The following WDHD1 variants were observed in gnomAD, a reference collection of about 807,000 sequenced individuals.
The protein encoded by WDHD1 is WD repeat and HMG-box DNA-binding protein 1.
WDHD1 carries 111 observed loss-of-function variants against 135.4 expected under a neutral mutation model. The observed-to-expected ratio is 0.82, with a 90% CI of 0.70 to 0.96. The LOEUF is 0.96. Among genes scored for constraint, WDHD1 ranks in the 40% least tolerant of loss-of-function variants. WDHD1 has a pLI of 0.00. For synonymous variants in WDHD1, 434 were observed against 439.0 expected (o/e 0.99, Z 0.14); for missense variants, 1,351 against 1,336.3 (o/e 1.01, Z -0.17).
chr14:54,973,016 G>A (rs1043108210), intron 16 of WDHD1, among the ~76,000 whole-genome samples: 2 of 149,260 alleles, frequency 1.3e-5, no homozygotes, highest in Admixed American at 1.3e-4. Flanking sequence ...TTATTAAAAA[G>A]CATTAATTAA....
At chr14:54,962,188 C>T (rs893567280) in intron 21 of WDHD1, among the ~76,000 whole-genome samples, 6 of 152,046 alleles carry the variant, frequency 3.9e-5, no homozygotes, top group Admixed American at 6.6e-5. Flanking sequence ...TCAGTGATAC[C>T]CAGATCTGTC....
intron 18 of WDHD1, among the ~76,000 whole-genome samples, chr14:54,964,253 T>C (rs140795694): frequency 1.3e-5 from 2 of 152,242 alleles, no homozygotes; most frequent in Non-Finnish European, 2.9e-5. Context: ...GCTTTAGATA[T>C]TCACCTGGAT....
chr14:55,011,524 C>CA (rs60615259), intron 3 of WDHD1, among the ~76,000 whole-genome samples: 928 of 50,964 alleles, frequency 0.018, 189 homozygotes, highest in Non-Finnish European at 0.023. Flanking sequence ...AACTCTGTCT[C>CA]AAAAAAAAAA....
intron 24 of WDHD1, 148 bp downstream of exon 24, chr14:54,955,413 T>C: frequency 1.7e-6 from 1 of 577,068 alleles, no homozygotes; most frequent in South Asian, 7.8e-5. Flanking sequence ...ATTTGTGGCT[T>C]CCTTATAGTC....
Position 54,991,270 on chromosome 14 carries a change from G to A in WDHD1, c.1284C>T (p.Pro428=). 1 of 1,613,162 alleles carries A rather than the reference G, an allele frequency of 6.2e-7. No homozygotes were observed. The highest frequency in any genetic ancestry group is 1.7e-4 in the Middle Eastern group (1 of 6,060). ...RPFYDGPMPT[P]RQKPFQSGST... Reference sequence around the variant, plus strand: ...AACCTGACTGAAATGGCTTTTGCCGGGGAGTTGGCATGGGTCCATCATAAA... The same window carrying A: ...AACCTGACTGAAATGGCTTTTGCCGAGGAGTTGGCATGGGTCCATCATAAA... Residue 428 remains proline (P), a synonymous_variant, in exon 12 of 26, where the codon CCC becomes CCT. Coordinates refer to ENST00000360586, the MANE Select transcript of WDHD1 (RefSeq NM_007086.4).
chr14:54,967,769 T>C (rs1301459008), intron 16 of WDHD1, among the ~76,000 whole-genome samples: 1 of 152,026 alleles, frequency 6.6e-6, no homozygotes, highest in East Asian at 1.9e-4. Context: ...TACAGATATA[T>C]GCCACCATGC....
chr14:55,008,651 G>A lies in WDHD1; in HGVS notation c.410C>T (p.Ala137Val). ...SQQKTFRGHD[A>V]PVLSLSFDPK... ...ATCAAAGGAAAGACTTAAAACAGGG[G>A]CATCATGTCCTCGAAATGTTTTCTG... The change falls in exon 5 of 26, where the codon GCC becomes GTC. Residue 137 changes from alanine to valine, a missense_variant. Ala to Val is a moderately conservative substitution (Grantham distance 64, BLOSUM62 0). Coordinates refer to ENST00000360586, the MANE Select transcript of WDHD1 (RefSeq NM_007086.4). 5 of 1,612,882 alleles carry A rather than the reference G, an allele frequency of 3.1e-6. No individual in the cohort carries two copies. The highest frequency in any genetic ancestry group is 4.2e-6 in the Non-Finnish European group (5 of 1,179,712).
At chr14:54,971,038 T>C (rs562954982) in intron 16 of WDHD1, among the ~76,000 whole-genome samples, 2 of 152,148 alleles carry the variant, frequency 1.3e-5, no homozygotes, top group Non-Finnish European at 2.9e-5. Context: ...GCTAACCACA[T>C]GCAGAATGAA....
intron 4 of WDHD1, among the ~76,000 whole-genome samples, chr14:55,009,832 T>A (rs971192141): frequency 2.6e-5 from 4 of 152,150 alleles, no homozygotes; most frequent in Non-Finnish European, 5.9e-5. Context: ...CCTTTTTTTC[T>A]TTTTTTGAGA....
chr14:54,967,992 T>C (rs1369727114), intron 16 of WDHD1, among the ~76,000 whole-genome samples: 1 of 152,210 alleles, frequency 6.6e-6, no homozygotes, highest in Non-Finnish European at 1.5e-5. Context: ...CTTAGCAAAC[T>C]ACCACTTTTA....
At chr14:55,005,449 C>T (rs1053702943) in intron 7 of WDHD1, 1 of 568,994 alleles carries the variant, frequency 1.8e-6, no homozygotes, top group East Asian at 4.4e-5. Flanking sequence ...GACCAGTATT[C>T]CTGGATGATA....
At chr14:55,021,396 T>C (rs1324701675) in intron 2 of WDHD1, among the ~76,000 whole-genome samples, 1 of 152,136 alleles carries the variant, frequency 6.6e-6, no homozygotes, top group Non-Finnish European at 1.5e-5. Flanking sequence ...GTTTAGTGTC[T>C]ATTAGCGTTC....
At chr14:54,982,661 T>C (rs2041637329) in intron 15 of WDHD1, among the ~76,000 whole-genome samples, 1 of 152,154 alleles carries the variant, frequency 6.6e-6, no homozygotes, top group African/African-American at 2.4e-5. Context: ...CTGGATCTAA[T>C]TGGTACTTCG....
rs779514064 is a variant in WDHD1, at chr14:54,941,627, G to A, written c.3253C>T (p.Arg1085Cys). Residue 1085 changes from arginine to cysteine, a missense_variant, in exon 26 of 26, where the codon CGT becomes TGT. Physicochemically the swap from Arg to Cys is radical, Grantham distance 180. Coordinates refer to ENST00000360586, the MANE Select transcript of WDHD1 (RefSeq NM_007086.4). ...SEGTEAKKRK[R>C]VVDESDETEN... is the part of the protein sequence containing the mutation. ...GTTTCATCACTTTCATCAACCACAC[G>A]TTTTCGCTTCTTTGCTTCAGTTCCT... 6.2e-6 allele frequency: 10 copies of A among 1,613,886 alleles called. No homozygotes were observed. Among genetic ancestry groups the A allele is most frequent in the South Asian group, 2.2e-5 (2 of 91,052 alleles).
intron 4 of WDHD1, among the ~76,000 whole-genome samples, 180 bp from the exon 5 acceptor site, chr14:55,008,899 C>T (rs896520710): frequency 1.3e-5 from 2 of 151,708 alleles, no homozygotes; most frequent in African/African-American, 4.8e-5. Flanking sequence ...CAGGTTCAAG[C>T]GATTCTCCTG....
intron 24 of WDHD1, among the ~76,000 whole-genome samples, chr14:54,949,441 A>G (rs1329468861): frequency 6.6e-6 from 1 of 152,198 alleles, no homozygotes; most frequent in African/African-American, 2.4e-5. Flanking sequence ...GCGAGAAGAA[A>G]AGTTTAGAGA....
At chr14:55,008,536 A>G in intron 5 of WDHD1, 72 bp downstream of exon 5, 1 of 1,477,304 alleles carries the variant, frequency 6.8e-7, no homozygotes, top group South Asian at 1.3e-5. Flanking sequence ...AAAATTTTTT[A>G]GAGAGTTAGT....
intron 24 of WDHD1, among the ~76,000 whole-genome samples, chr14:54,949,149 G>A (rs1037687762): frequency 3.3e-5 from 5 of 152,218 alleles, no homozygotes; most frequent in South Asian, 2.1e-4. Flanking sequence ...AAAGCTGGAC[G>A]GAGAATGACT....
intron 10 of WDHD1, among the ~76,000 whole-genome samples, chr14:54,996,107 A>C (rs772359648): frequency 2.6e-5 from 4 of 152,224 alleles, no homozygotes; most frequent in Non-Finnish European, 4.4e-5. Flanking sequence ...ATTCCTCAGA[A>C]GTCATTCCCT....
Sources: allele counts gnomAD v4.1 joint callset (sites outside exome capture counted in the v4.1 genomes callset), GRCh38; gene constraint gnomAD v4.1.1; transcripts MANE v1.5; gene names NCBI Gene and HGNC (gene_info 2026-07-23, HGNC 2026-07-21).